Variants in BRD4 observed in about 807,000 individuals in gnomAD.
BRD4 encodes the protein bromodomain containing 4.
BRD4 carries 16 observed loss-of-function variants against 142.1 expected under a neutral mutation model. The observed-to-expected ratio is 0.11, with a 90% CI of 0.08 to 0.17. The LOEUF is 0.17. Among genes scored for constraint, BRD4 ranks in the 10% least tolerant of loss-of-function variants. The probability of loss-of-function intolerance (pLI) is 1.00; values close to 1 mark genes in which losing one functional copy is unlikely to be tolerated. For synonymous variants in BRD4, 833 were observed against 707.5 expected (o/e 1.18, Z -2.82); for missense variants, 1,424 against 1,810.9 (o/e 0.79, Z 3.88).
At chr19:15,305,079 C>T (rs895590698) in intron 1 of BRD4, among the ~76,000 whole-genome samples, 2 of 140,598 alleles carry the variant, frequency 1.4e-5, no homozygotes, top group East Asian at 2.1e-4. Context: ...AGTGCAATGG[C>T]GCGATCTCAG....
intron 4 of BRD4, among the ~76,000 whole-genome samples, chr19:15,265,949 G>A (rs181780216): frequency 1.3e-5 from 2 of 152,184 alleles, no homozygotes; most frequent in Non-Finnish European, 2.9e-5. Flanking sequence ...GCTGACAGGG[G>A]ACAGAGAGCG....
intron 1 of BRD4, among the ~76,000 whole-genome samples, chr19:15,312,658 G>GTGC (rs1309640195): frequency 6.6e-6 from 1 of 151,624 alleles, no homozygotes; most frequent in Non-Finnish European, 1.5e-5. Flanking sequence ...AAAACAGGCT[G>GTGC]TGCACGGTGG....
chr19:15,245,084 T>A (rs1226053650), intron 11 of BRD4: 2 of 455,438 alleles, frequency 4.4e-6, no homozygotes, highest in African/African-American at 4.0e-5. Context: ...GGTCAGTCAC[T>A]CACTATAGTG....
At chr19:15,292,399 A>T (rs2032336585) in intron 1 of BRD4, among the ~76,000 whole-genome samples, 1 of 152,180 alleles carries the variant, frequency 6.6e-6, no homozygotes, top group South Asian at 2.1e-4. Flanking sequence ...CTTGGCACTA[A>T]TTTGGACCAC....
chr19:15,307,363 C>T (rs1325843872), intron 1 of BRD4, among the ~76,000 whole-genome samples: 1 of 152,140 alleles, frequency 6.6e-6, no homozygotes, highest in Non-Finnish European at 1.5e-5. Context: ...ATCTCACTGA[C>T]AGGGAAACAG....
intron 1 of BRD4, among the ~76,000 whole-genome samples, chr19:15,309,581 G>A (rs1322795567): frequency 6.6e-6 from 1 of 152,096 alleles, no homozygotes; most frequent in East Asian, 1.9e-4. Context: ...CCAAGAGAAA[G>A]GGAAACATTT....
rs2145575663 is a variant in BRD4, at chr19:15,256,996, G to A, written c.1519C>T (p.Arg507Ter). The change falls in exon 8 of 20, where the codon CGA becomes TGA. Residue 507 changes from arginine to a stop codon, truncating the protein, a stop_gained. Transcript: ENST00000679869. LOFTEE classifies it high-confidence loss of function. ...TGGAGCTCAGCCAGCCGCTGGGCTC[G>A]CTCCTCCTCAGAGTCATCAGTCGAA... ...DSSTDDSEEE[R>*]AQRLAELQEQ... 1 of 1,586,564 alleles carries A rather than the reference G, an allele frequency of 6.3e-7. No homozygotes were observed. Among genetic ancestry groups the A allele is most frequent in the Non-Finnish European group, 8.6e-7 (1 of 1,167,708 alleles).
At chr19:15,302,554 AGCAACTCAGGAGGCT>A (rs1191628234) in intron 1 of BRD4, among the ~76,000 whole-genome samples, 1 of 151,318 alleles carries the variant, frequency 6.6e-6, no homozygotes, top group Admixed American at 6.6e-5. Flanking sequence ...CTGTAATTCC[AGCAACTCAGGAGGCT>A]GAGGCAGGAG....
At chr19:15,301,865 GAAAAAAAA>G (rs952860124) in intron 1 of BRD4, among the ~76,000 whole-genome samples, 18 of 40,476 alleles carry the variant, frequency 4.4e-4, no homozygotes, top group Middle Eastern at 0.023. Flanking sequence ...CCGTCTCAAA[GAAAAAAAA>G]AAAAAAAAAA....
intron 1 of BRD4, among the ~76,000 whole-genome samples, chr19:15,302,195 T>C (rs550216343): frequency 3.9e-4 from 59 of 150,800 alleles, no homozygotes; most frequent in African/African-American, 1.3e-3. Context: ...TTTTATTGCA[T>C]ATAAACTTAA....
chr19:15,308,836 A>G (rs2047940797), intron 1 of BRD4, among the ~76,000 whole-genome samples: 1 of 150,802 alleles, frequency 6.6e-6, no homozygotes, highest in Non-Finnish European at 1.5e-5. Context: ...CAGCATGGTG[A>G]AACCCCGTCT....
Position 15,264,710 on chromosome 19 carries a change from G to A in BRD4, c.906C>T (p.Pro302=). 6.2e-7 allele frequency: 1 copy of A among 1,612,960 alleles called. No homozygotes were observed. The highest frequency in any genetic ancestry group is 8.5e-7 in the Non-Finnish European group (1 of 1,179,952). ...ADTTTPTTID[P]IHEPPSLPPE... is the part of the protein sequence containing the mutation. ...GGGGCAGCGAGGGTGGCTCGTGAAT[G>A]GGGTCAATGGTGGTGGGGGTGGTGG... is the stretch of plus-strand genomic sequence containing the variant. The change falls in exon 6 of 20, where the codon CCC becomes CCT. Residue 302 remains proline, a synonymous_variant. Transcript: ENST00000679869.
chr19:15,247,165 A>G, intron 11 of BRD4: 1 of 229,980 alleles, frequency 4.3e-6, no homozygotes. Context: ...AATCCGATTA[A>G]AACACTGATT....
rs796653063 is a variant in BRD4, at chr19:15,299,086, C to T, written c.-34-25953G>A. Among the ~76,000 whole-genome samples, 32 of 152,232 alleles carry T rather than the reference C, an allele frequency of 2.1e-4. No homozygotes were observed. The South Asian group carries it at 2.3e-3, about 11-fold the overall frequency. ...ATGCTCAGCTATCATGGCTGCCCACCGGGGTGGCTAGGTATCCCCCATTTT... is the reference window on the plus strand; with the variant it reads ...ATGCTCAGCTATCATGGCTGCCCACTGGGGTGGCTAGGTATCCCCCATTTT... On this transcript the variant is annotated intron_variant, in intron 1 of 19. Transcript: ENST00000679869.
intron 11 of BRD4, among the ~76,000 whole-genome samples, chr19:15,250,971 T>C (rs973543969): frequency 1.3e-5 from 2 of 152,118 alleles, no homozygotes; most frequent in Non-Finnish European, 1.5e-5. Context: ...CCTGTCTCAA[T>C]ACAGAATCCT....
chr19:15,242,597 A>C (rs1599432259), intron 14 of BRD4, among the ~76,000 whole-genome samples: 1 of 151,856 alleles, frequency 6.6e-6, no homozygotes, highest in Non-Finnish European at 1.5e-5. Context: ...TGCATCAGGT[A>C]CCTCCCCTGG....
chr19:15,242,336 A>C (rs1305012932), intron 14 of BRD4, among the ~76,000 whole-genome samples: 1 of 152,166 alleles, frequency 6.6e-6, no homozygotes, highest in Non-Finnish European at 1.5e-5. Context: ...TTAAGCGCCC[A>C]GGAAAAGTGA....
chr19:15,321,840 C>T (rs1244730176), intron 1 of BRD4, among the ~76,000 whole-genome samples: 1 of 152,098 alleles, frequency 6.6e-6, no homozygotes, highest in Non-Finnish European at 1.5e-5. Flanking sequence ...ACTACTAGAC[C>T]TTCACCACTC....
intron 1 of BRD4, among the ~76,000 whole-genome samples, chr19:15,308,161 GGGGTGGGT>G (rs1387631529): frequency 2.7e-5 from 1 of 37,672 alleles, no homozygotes; most frequent in African/African-American, 1.0e-4. Context: ...GGGGGGGGGG[GGGGTGGGT>G]CGCGTAGTGA....
Sources: allele counts gnomAD v4.1 joint callset (sites outside exome capture counted in the v4.1 genomes callset), GRCh38; gene constraint gnomAD v4.1.1; transcripts MANE v1.5; gene names NCBI Gene and HGNC (gene_info 2026-07-23, HGNC 2026-07-21).